The following ZNF547 variants were observed in gnomAD, a reference collection of about 807,000 sequenced individuals.
ZNF547 encodes zinc finger protein 547.
ZNF547 carries 4 observed loss-of-function variants against 7.7 expected under a neutral mutation model. The observed-to-expected ratio is 0.52, with a 90% CI of 0.26 to 1.20. The LOEUF (loss-of-function observed/expected upper bound fraction) is 1.20, where lower values mean the gene tolerates loss of function less well. Ranked by LOEUF, ZNF547 falls within the 50% of genes most tolerant of loss-of-function variation. The pLI, the probability that ZNF547 is intolerant of heterozygous loss-of-function variation, is 0.14. For synonymous variants in ZNF547, 166 were observed against 166.2 expected (o/e 1.00, Z 0.01); for missense variants, 449 against 485.8 (o/e 0.92, Z 0.71).
In ZNF547 at chr19:57,371,833, G is replaced by A. The variant is rs757978910; in HGVS notation, c.76G>A (p.Gly26Arg). The A allele has an allele frequency of 7.1e-5, 115 of 1,613,470 alleles. No homozygotes were observed. Among genetic ancestry groups the A allele is most frequent in the Non-Finnish European group, 9.4e-5 (111 of 1,179,806 alleles). Residue 26 changes from glycine (G) to arginine (R), a missense_variant, in exon 3 of 4, where the codon GGG becomes AGG. By Grantham distance (125) the Gly-to-Arg change is moderately radical (BLOSUM62 -2). Transcript: ENST00000282282. ...CATATATTTCTCCCAGGAGGAGTGG[G>A]GGCATCTCGATGAGGCTCAGAGATT... is the stretch of plus-strand genomic sequence containing the variant. ...VAIYFSQEEW[G>R]HLDEAQRLLY...
intron 1 of ZNF547, among the ~76,000 whole-genome samples, chr19:57,366,514 A>G (rs12973051): frequency 0.41 from 61,464 of 149,964 alleles, 13,062 homozygotes; most frequent in African/African-American, 0.43. Context: ...CTGGCTGGGA[A>G]TAAGCTTTCG....
rs771517503 is a variant in ZNF547, at chr19:57,371,990, A to G, written c.151+82A>G. The G allele has an allele frequency of 1.6e-4, 241 of 1,484,568 alleles. 1 individual carries two copies. The highest frequency in any genetic ancestry group is 5.4e-4 in the Middle Eastern group (3 of 5,548). 92.0% of individuals were successfully genotyped at this position (1,484,568 alleles called of 1,614,324 possible). ...CTGAAGGCAGCTCTGCGTTTCCCAC[A>G]GTGAGACCATGGGTGCTGCTTCTTT... On this transcript the variant is annotated intron_variant, in intron 3 of 3. Coordinates refer to ENST00000282282, the MANE Select transcript of ZNF547 (RefSeq NM_173631.4).
intron 2 of ZNF547, 41 bp from the exon 3 acceptor site, chr19:57,371,741 T>C (rs946141433): frequency 6.3e-7 from 1 of 1,585,346 alleles, no homozygotes; most frequent in Non-Finnish European, 8.6e-7. Context: ...TAAATACAGT[T>C]TGAAAAGCTG....
chr19:57,365,782 C>T (rs896005402), intron 1 of ZNF547, among the ~76,000 whole-genome samples: 2 of 151,534 alleles, frequency 1.3e-5, no homozygotes, highest in African/African-American at 4.8e-5. Context: ...GCTGGGATTA[C>T]AGGCATGAGC....
At chr19:57,368,345 A>G (rs1600076018) in intron 1 of ZNF547, 199 bp from the exon 2 acceptor site, 2 of 583,248 alleles carry the variant, frequency 3.4e-6, no homozygotes, top group East Asian at 2.9e-5. Flanking sequence ...AGATGAGAGC[A>G]CTGAAGCTCC....
At position 57,365,946 on chromosome 19, in the gene ZNF547, C is replaced by T. The variant is rs528404041; in HGVS notation, c.-13+2243C>T. Among the ~76,000 whole-genome samples the T allele has an allele frequency of 7.9e-5, 12 of 151,034 alleles. 1 individual carries two copies. Among genetic ancestry groups the T allele is most frequent in the African/African-American group, 2.2e-4 (9 of 41,102 alleles). On this transcript the variant is annotated intron_variant, in intron 1 of 3. Coordinates refer to ENST00000282282, the MANE Select transcript of ZNF547 (RefSeq NM_173631.4). ...GTGGCACGATCTTGGCTCACTGCAACCTCCACCTCCCGGGTTCAAGCAATT... is the reference window on the plus strand; with the variant it reads ...GTGGCACGATCTTGGCTCACTGCAATCTCCACCTCCCGGGTTCAAGCAATT...
At chr19:57,368,293 A>G (rs549802691) in intron 1 of ZNF547, 3 of 462,560 alleles carry the variant, frequency 6.5e-6, no homozygotes, top group Non-Finnish European at 1.2e-5. Context: ...TGACACCGGT[A>G]AGAGTCCTAT....
Position 57,368,644 on chromosome 19 carries a change from G to T in ZNF547, c.24+65G>T. 5 of 1,509,046 alleles carry T rather than the reference G, an allele frequency of 3.3e-6. No homozygotes were observed. In the South Asian group the frequency reaches 5.7e-5, roughly 17 times the overall value. 93.5% of individuals were successfully genotyped at this position (1,509,046 alleles called of 1,614,324 possible). ...TCATAGATGGTTTTGGCACCTCCATGTAAAGAAAAGTGGTGTCCAGAGACT... is the reference window on the plus strand; with the variant it reads ...TCATAGATGGTTTTGGCACCTCCATTTAAAGAAAAGTGGTGTCCAGAGACT... On this transcript the variant is annotated intron_variant, in intron 2 of 3. Transcript: ENST00000282282.
In ZNF547 at chr19:57,374,300, G is replaced by A. The variant is rs190966653; in HGVS notation, c.151+2392G>A. On this transcript the variant is annotated intron_variant, in intron 3 of 3. Transcript: ENST00000282282. ...AGTTGAAGCAGCTGGGATGCAGGGC[G>A]CCATGTCCCGAGGCTGCATAGAGCA... Among the ~76,000 whole-genome samples, 16 of 152,190 alleles carry A rather than the reference G, an allele frequency of 1.1e-4. No individual in the cohort carries two copies. In the East Asian group the frequency reaches 1.5e-3, roughly 15 times the overall value.
Position 57,364,769 on chromosome 19 carries a change from C to T in ZNF547, c.-13+1066C>T, listed in dbSNP as rs1007857454. ...AAAAGGTGCGGAGCGCGGGTCTCTT[C>T]CGCGGAAACTGACATTGCGTTTCCG... On this transcript the variant is annotated intron_variant, in intron 1 of 3. Transcript: ENST00000282282. 4 of 1,382,302 alleles carry T rather than the reference C, an allele frequency of 2.9e-6. 1 individual carries two copies. In the African/African-American group the frequency reaches 4.3e-5, roughly 15 times the overall value. 85.6% of individuals were successfully genotyped at this position (1,382,302 alleles called of 1,614,324 possible). A position where few individuals can be genotyped will look rare whatever the true frequency, so the allele number is the denominator to read the frequency against.
chr19:57,375,661 CAAAAAAA>C (rs67290425), intron 3 of ZNF547, among the ~76,000 whole-genome samples: 1 of 91,550 alleles, frequency 1.1e-5, no homozygotes, highest in Non-Finnish European at 2.2e-5. Context: ...GAGTTTGTCT[CAAAAAAA>C]AAAAAAAAAA....
intron 1 of ZNF547, chr19:57,368,199 C>T: frequency 5.0e-6 from 1 of 199,526 alleles, no homozygotes; most frequent in Non-Finnish European, 1.0e-5. Flanking sequence ...TGAAATTCTA[C>T]TACATCATTT....
intron 1 of ZNF547, 26 bp from the exon 2 acceptor site, chr19:57,368,518 T>G: frequency 6.2e-7 from 1 of 1,613,676 alleles, no homozygotes; most frequent in African/African-American, 1.3e-5. Context: ...CGTTGCCCAT[T>G]TCTCACGGTT....
At chr19:57,373,668 G>A (rs1246741458) in intron 3 of ZNF547, among the ~76,000 whole-genome samples, 1 of 152,146 alleles carries the variant, frequency 6.6e-6, no homozygotes, top group African/African-American at 2.4e-5. Flanking sequence ...ATTCCTAATG[G>A]AAGAAATGGG....
intron 2 of ZNF547, among the ~76,000 whole-genome samples, chr19:57,369,267 G>A (rs1039752930): frequency 1.3e-4 from 20 of 152,286 alleles, no homozygotes; most frequent in African/African-American, 1.7e-4. Context: ...ATTTTATGAT[G>A]TAGAGAGTGA....
Position 57,379,492 on chromosome 19 carries a change from T to C in ZNF547, c.*1307T>C, listed in dbSNP as rs1474832997. On this transcript the variant is annotated 3_prime_UTR_variant, in exon 4 of 4. Coordinates refer to ENST00000282282, the MANE Select transcript of ZNF547 (RefSeq NM_173631.4). Reference sequence around the variant, plus strand: ...CCTGTGAGCCTTTTCATTTTGTTAATTTTTCCCAGTGTTTACAACCAGGAA... The same window carrying C: ...CCTGTGAGCCTTTTCATTTTGTTAACTTTTCCCAGTGTTTACAACCAGGAA... The C allele has an allele frequency of 1.3e-5, 2 of 152,242 alleles. No homozygotes were observed. Among genetic ancestry groups the C allele is most frequent in the Non-Finnish European group, 2.9e-5 (2 of 68,048 alleles). 9.4% of individuals were successfully genotyped at this position (152,242 alleles called of 1,614,324 possible). A position where few individuals can be genotyped will look rare whatever the true frequency, so the allele number is the denominator to read the frequency against.
chr19:57,378,150 A>G lies in ZNF547; in HGVS notation c.1174A>G (p.Thr392Ala). Residue 392 changes from threonine to alanine, a missense_variant, in exon 4 of 4, where the codon ACA (threonine) becomes GCA (alanine). By Grantham distance (58) the Thr-to-Ala change is moderately conservative. Transcript: ENST00000282282. Reference protein sequence around the residue: ...ECGKFFRYNSTLLRHQKVHTG With the variant: ...ECGKFFRYNSALLRHQKVHTG ...TGGGAAATTCTTTAGGTATAACTCT[A>G]CACTTCTCAGACATCAGAAAGTCCA... 2 of 1,611,092 alleles carry G rather than the reference A, an allele frequency of 1.2e-6. No homozygotes were observed. The highest frequency in any genetic ancestry group is 1.7e-6 in the Non-Finnish European group (2 of 1,177,584).
intron 1 of ZNF547, among the ~76,000 whole-genome samples, chr19:57,367,426 G>GAAAAAAAAAAA (rs750776299): frequency 1.5e-5 from 1 of 65,714 alleles, no homozygotes; most frequent in Non-Finnish European, 3.6e-5. Context: ...GTTTGTTCAA[G>GAAAAAAAAAAA]AAAAAAAAAA....
intron 3 of ZNF547, among the ~76,000 whole-genome samples, chr19:57,375,068 T>C (rs2088527700): frequency 6.6e-6 from 1 of 152,170 alleles, no homozygotes; most frequent in Non-Finnish European, 1.5e-5. Flanking sequence ...AGAAATACCC[T>C]GGCTGGGCAC....
Sources: allele counts gnomAD v4.1 joint callset (sites outside exome capture counted in the v4.1 genomes callset), GRCh38; gene constraint gnomAD v4.1.1; transcripts MANE v1.5; gene names NCBI Gene and HGNC (gene_info 2026-07-23, HGNC 2026-07-21).